PDXK: variants seen among roughly 807,000 people sequenced by gnomAD.
The protein encoded by PDXK is epididymis secretory sperm binding protein Li 1a.
In PDXK, 15 loss-of-function variants were observed where a neutral mutation model predicts 43.2. That is an observed-to-expected ratio of 0.35 (90% CI 0.23 to 0.53). PDXK has a LOEUF of 0.53. Among genes scored for constraint, PDXK ranks in the 20% least tolerant of loss-of-function variants. PDXK has a pLI of 0.92. For missense variants in PDXK, 343 were observed against 417.0 expected (o/e 0.82, Z 1.54); for synonymous variants, 172 against 165.4 (o/e 1.04, Z -0.31).
Position 43,719,349 on chromosome 21 carries a change from G to A in PDXK, c.55G>A (p.Val19Met), listed in dbSNP as rs1197316810. The change falls in exon 1 of 11, where the codon GTG becomes ATG. Residue 19 changes from valine (V) to methionine (M), a missense_variant. Coordinates refer to ENST00000291565, the MANE Select transcript of PDXK (RefSeq NM_003681.5). Reference protein sequence around the residue: ...SIQSHVIRGYVGNRAATFPLQ... With the variant: ...SIQSHVIRGYMGNRAATFPLQ... ...ACAGAGCCACGTCATCCGCGGCTACGTGGGCAACCGGGCGGCCACGTTCCC... is the reference window on the plus strand; with the variant it reads ...ACAGAGCCACGTCATCCGCGGCTACATGGGCAACCGGGCGGCCACGTTCCC... The A allele has an allele frequency of 2.0e-6, 3 of 1,526,002 alleles. No individual in the cohort carries two copies. The highest frequency in any genetic ancestry group is 2.6e-6 in the Non-Finnish European group (3 of 1,137,924). 94.5% of individuals were successfully genotyped at this position (1,526,002 alleles called of 1,614,324 possible).
rs370261846 is a variant in PDXK, at chr21:43,737,362, A to C, written c.142+3239A>C. On this transcript the variant is annotated intron_variant, in intron 2 of 10. Coordinates refer to ENST00000291565, the MANE Select transcript of PDXK (RefSeq NM_003681.5). This position sits in a 1 kb window ranked among gnomAD's most constrained non-coding sequence, Gnocchi z 4.8. ...CCCCGTTCCTTGAGGCCGTACCACAAGGTGCGTTCATTTTTCCACACCGTG... is the reference window on the plus strand; with the variant it reads ...CCCCGTTCCTTGAGGCCGTACCACACGGTGCGTTCATTTTTCCACACCGTG... 5 of 1,255,644 alleles carry C rather than the reference A, an allele frequency of 4.0e-6. No individual in the cohort carries two copies. In the East Asian group the frequency reaches 2.1e-4, roughly 53 times the overall value. 77.8% of individuals were successfully genotyped at this position (1,255,644 alleles called of 1,614,324 possible).
intron 1 of PDXK, among the ~76,000 whole-genome samples, chr21:43,730,869 C>A (rs1362423033): frequency 6.6e-6 from 1 of 152,140 alleles, no homozygotes; most frequent in Non-Finnish European, 1.5e-5. Flanking sequence ...GAGGGTGGAT[C>A]CCTTGATCCC....
intron 1 of PDXK, among the ~76,000 whole-genome samples, chr21:43,726,115 CT>C (rs1347788053): frequency 2.0e-5 from 3 of 152,028 alleles, no homozygotes; most frequent in African/African-American, 7.2e-5. Flanking sequence ...GGTATTTCTT[CT>C]TTTTCTTTCA....
At position 43,734,279 on chromosome 21, in the gene PDXK, C is replaced by T. The variant is rs959397849; in HGVS notation, c.142+156C>T. On this transcript the variant is annotated intron_variant, in intron 2 of 10. Coordinates refer to ENST00000291565, the MANE Select transcript of PDXK (RefSeq NM_003681.5). The surrounding 1 kb of genome is among the most constrained non-coding windows in gnomAD (Gnocchi z 5.0). ...AGTCCTGGGCGTCGCTCGGGCAGAG[C>T]CTGCACAGCATATCAGGGTGTAGGC... 6.7e-6 allele frequency among the ~76,000 whole-genome samples: 1 copy of T among 148,278 alleles called. No individual in the cohort carries two copies. The highest frequency in any genetic ancestry group is 1.5e-5 in the Non-Finnish European group (1 of 66,880).
intron 1 of PDXK, among the ~76,000 whole-genome samples, chr21:43,731,367 A>C (rs2083315569): frequency 6.6e-6 from 1 of 152,186 alleles, no homozygotes; most frequent in African/African-American, 2.4e-5. Flanking sequence ...TGGGAGAGAG[A>C]TCTCATCACA....
Position 43,737,434 on chromosome 21 carries a change from G to A in PDXK, c.142+3311G>A. Reference sequence around the variant, plus strand: ...CACCTTGTGGCCAGTATTCCCAGTGGCCCCTTTGAGAGGATTTCCTGGAGC... The same window carrying A: ...CACCTTGTGGCCAGTATTCCCAGTGACCCCTTTGAGAGGATTTCCTGGAGC... On this transcript the variant is annotated intron_variant, in intron 2 of 10. Transcript: ENST00000291565. This position sits in a 1 kb window ranked among gnomAD's most constrained non-coding sequence, Gnocchi z 4.8. 2 of 1,092,556 alleles carry A rather than the reference G, an allele frequency of 1.8e-6. No homozygotes were observed. The highest frequency in any genetic ancestry group is 2.2e-6 in the Non-Finnish European group (2 of 893,566). The allele number at this position is 1,092,556 out of a possible 1,614,324, so 67.7% of individuals were successfully genotyped here.
chr21:43,720,017 G>C (rs2083193786), intron 1 of PDXK: 4 of 773,666 alleles, frequency 5.2e-6, no homozygotes, highest in Non-Finnish European at 6.3e-6. Flanking sequence ...GCAGGTGTTT[G>C]CTCTGACGAG....
Position 43,750,837 on chromosome 21 carries a change from C to T in PDXK, c.510+292C>T, listed in dbSNP as rs564113303. 4.8e-5 allele frequency among the ~76,000 whole-genome samples: 7 copies of T among 146,180 alleles called. No individual in the cohort carries two copies. The East Asian group carries it at 7.9e-4, about 17-fold the overall frequency. On this transcript the variant is annotated intron_variant, in intron 7 of 10. Transcript: ENST00000291565. ...GCGCACCCATGTGTGCATGTGTGCA[C>T]GTGTGTGTGTGCACATGTGCATGTG...
chr21:43,756,866 AC>A lies in PDXK; in HGVS notation c.*807del, dbSNP rs2083860705. ...AGCAGCTTTGAAGCTCCAGAGAACC[AC>A]CCCGTCAGGTTCCTTGTGGAAGCTC... On this transcript the variant is annotated 3_prime_UTR_variant, in exon 11 of 11. Transcript: ENST00000291565. 6.6e-6 allele frequency: 1 copy of A among 152,226 alleles called. No individual in the cohort carries two copies. The highest frequency in any genetic ancestry group is 2.4e-5 in the African/African-American group (1 of 41,426). The allele number at this position is 152,226 out of a possible 1,614,324, so 9.4% of individuals were successfully genotyped here.
chr21:43,750,354 C>T (rs572161236), intron 6 of PDXK, 146 bp from the exon 7 acceptor site: 9 of 677,566 alleles, frequency 1.3e-5, no homozygotes, highest in Middle Eastern at 2.6e-4. Flanking sequence ...GCAGGGGCCC[C>T]GGCCCAGGGT....
At chr21:43,752,449 G>A in intron 7 of PDXK, 69 bp from the exon 8 acceptor site, 1 of 1,023,580 alleles carries the variant, frequency 9.8e-7, no homozygotes, top group Non-Finnish European at 1.5e-6. Flanking sequence ...ATGGATCGGG[G>A]AGTGGGGTGT....
At chr21:43,740,554 T>TGG (rs2083480366) in intron 2 of PDXK, among the ~76,000 whole-genome samples, 3 of 151,982 alleles carry the variant, frequency 2.0e-5, no homozygotes, top group African/African-American at 7.2e-5. Context: ...CCACCCTGTG[T>TGG]GGATGGCTGC....
chr21:43,729,799 C>A (rs570630142), intron 1 of PDXK, among the ~76,000 whole-genome samples: 18 of 151,996 alleles, frequency 1.2e-4, no homozygotes, highest in African/African-American at 3.9e-4. Context: ...AAAAAATTAA[C>A]CAGGCATGGT....
chr21:43,732,495 T>A lies in PDXK; in HGVS notation c.88-1574T>A, dbSNP rs780127531. 2.0e-6 allele frequency: 3 copies of A among 1,524,830 alleles called. No homozygotes were observed. The highest frequency in any genetic ancestry group is 2.7e-6 in the Non-Finnish European group (3 of 1,099,536). 94.5% of individuals were successfully genotyped at this position (1,524,830 alleles called of 1,614,324 possible). A position where few individuals can be genotyped will look rare whatever the true frequency, so the allele number is the denominator to read the frequency against. ...GGGCTCAGCTTGCTCGTGCTCTCAT[T>A]TAAAAGCAGAAAATAGCGACTTCAT... On this transcript the variant is annotated intron_variant, in intron 1 of 10. Transcript: ENST00000291565. The surrounding 1 kb of genome is among the most constrained non-coding windows in gnomAD (Gnocchi z 4.1).
At position 43,760,799 on chromosome 21, in the gene PDXK, G is replaced by A. The variant is rs1215304366; in HGVS notation, c.*4736G>A. On this transcript the variant is annotated 3_prime_UTR_variant, in exon 11 of 11. Transcript: ENST00000291565. ...GACAGCTGTGTCCAAGCCACTGCCC[G>A]GGCATCCCATCACCCACCAGGGTGC... The A allele has an allele frequency of 6.6e-6, 1 of 152,224 alleles. No individual in the cohort carries two copies. The highest frequency in any genetic ancestry group is 1.5e-5 in the Non-Finnish European group (1 of 68,054). 9.4% of individuals were successfully genotyped at this position (152,224 alleles called of 1,614,324 possible).
chr21:43,736,963 C>A (rs746505449), intron 2 of PDXK: 51 of 702,348 alleles, frequency 7.3e-5, no homozygotes, highest in Middle Eastern at 4.6e-4. Context: ...GAGACAAGGT[C>A]GGTCTCTGTC....
intron 6 of PDXK, among the ~76,000 whole-genome samples, chr21:43,750,073 C>T (rs190033645): frequency 5.3e-5 from 8 of 152,314 alleles, no homozygotes; most frequent in Admixed American, 4.6e-4. Context: ...GGCCTGGGAT[C>T]CCTGACCTGG....
intron 5 of PDXK, among the ~76,000 whole-genome samples, chr21:43,746,410 CTTCTT>C (rs1444796574): frequency 1.3e-5 from 2 of 151,676 alleles, no homozygotes; most frequent in African/African-American, 2.4e-5. Flanking sequence ...AACATGATGA[CTTCTT>C]TTCTTTTCTT....
In PDXK at chr21:43,732,368, A is replaced by G. The variant is rs1165377012; in HGVS notation, c.88-1701A>G. 6.2e-7 allele frequency: 1 copy of G among 1,611,068 alleles called. No homozygotes were observed. The highest frequency in any genetic ancestry group is 1.1e-5 in the South Asian group (1 of 91,026). Reference sequence around the variant, plus strand: ...TTCTGAGTCTGGCTTTGTCTGGCACATGAAGTTGGATGGGTAGACTCTGGA... The same window carrying G: ...TTCTGAGTCTGGCTTTGTCTGGCACGTGAAGTTGGATGGGTAGACTCTGGA... On this transcript the variant is annotated intron_variant, in intron 1 of 10. Coordinates refer to ENST00000291565, the MANE Select transcript of PDXK (RefSeq NM_003681.5). This position sits in a 1 kb window ranked among gnomAD's most constrained non-coding sequence, Gnocchi z 4.1.
Sources: gnomAD v4.1 joint callset for allele counts (sites outside exome capture counted in the v4.1 genomes callset) on GRCh38, gnomAD v4.1.1 for gene constraint, Gnocchi (gnomAD v3.1) non-coding constraint, MANE v1.5 for transcripts, NCBI Gene and HGNC (gene_info 2026-07-23, HGNC 2026-07-21) for gene names.